Variants in HIVEP3 observed in about 807,000 individuals in gnomAD.
HIVEP3 encodes the protein transcription factor HIVEP3.
In HIVEP3, 49 loss-of-function variants were observed where a neutral mutation model predicts 152.8. That is an observed-to-expected ratio of 0.32 (90% CI 0.26 to 0.41). The LOEUF (loss-of-function observed/expected upper bound fraction) is 0.41. Ranked by LOEUF, HIVEP3 falls within the 10% of genes least tolerant of loss-of-function variation. HIVEP3 has a pLI of 1.00. For missense variants in HIVEP3, 2,790 were observed against 3,103.3 expected, an observed-to-expected ratio of 0.90 and a Z score of 2.40; for synonymous variants, 1,269 against 1,289.0, an observed-to-expected ratio of 0.98 and a Z score of 0.33.
intron 2 of HIVEP3, among the ~76,000 whole-genome samples, chr1:41,638,585 T>G (rs929940937): frequency 7.2e-5 from 11 of 152,216 alleles, no homozygotes; most frequent in Middle Eastern, 3.4e-3. Context: ...GAAACTGATA[T>G]AAAAGTGTCT....
intron 1 of HIVEP3, among the ~76,000 whole-genome samples, chr1:41,826,808 T>G (rs1642818573): frequency 6.6e-6 from 1 of 152,236 alleles, no homozygotes; most frequent in Non-Finnish European, 1.5e-5. Flanking sequence ...GAAATGTTAC[T>G]GACTTCAAAA....
At chr1:41,785,690 A>G (rs1649304215) in intron 1 of HIVEP3, among the ~76,000 whole-genome samples, 1 of 152,222 alleles carries the variant, frequency 6.6e-6, no homozygotes, top group Non-Finnish European at 1.5e-5. Flanking sequence ...CAATTTATAT[A>G]TGAACATAGA....
At chr1:41,828,334 C>T (rs1642862214) in intron 1 of HIVEP3, among the ~76,000 whole-genome samples, 2 of 152,256 alleles carry the variant, frequency 1.3e-5, no homozygotes. Context: ...CTGCCTTCCT[C>T]AGAGCCAAGT....
intron 2 of HIVEP3, among the ~76,000 whole-genome samples, chr1:41,651,495 A>C (rs965787944): frequency 6.6e-6 from 1 of 152,170 alleles, no homozygotes; most frequent in Non-Finnish European, 1.5e-5. Flanking sequence ...TGTGATCCAC[A>C]TAAATGAAGT....
intron 5 of HIVEP3, among the ~76,000 whole-genome samples, chr1:41,534,896 G>C (rs59330427): frequency 0.11 from 16,967 of 152,210 alleles, 1,669 homozygotes; most frequent in East Asian, 0.46. Flanking sequence ...AGGTGGGCAG[G>C]ACACTTGGGT....
chr1:41,713,387 C>T (rs762503792), intron 1 of HIVEP3, among the ~76,000 whole-genome samples: 4 of 152,164 alleles, frequency 2.6e-5, no homozygotes, highest in African/African-American at 7.2e-5. Flanking sequence ...CACATGCAGT[C>T]GCTGCTCAAT....
In HIVEP3 at chr1:42,013,635, T is replaced by C. The variant is rs181210002; in HGVS notation, n.119+22172A>G. Among the ~76,000 whole-genome samples the C allele has an allele frequency of 1.1e-3, 173 of 152,348 alleles. 1 individual carries two copies. The highest frequency in any genetic ancestry group is 4.1e-3 in the African/African-American group (169 of 41,584). ...TGGGGAAGGAAGACATCTCTATTAA[T>C]ATTTCAAAATTTTGTACAACTTCAT... On this transcript the variant is annotated intron_variant and non_coding_transcript_variant, in intron 1 of 3. Coordinates refer to the HIVEP3 transcript ENST00000489103.
chr1:41,634,889 C>A (rs766134377), intron 2 of HIVEP3, among the ~76,000 whole-genome samples: 1 of 152,048 alleles, frequency 6.6e-6, no homozygotes, highest in South Asian at 2.1e-4. Context: ...AAAGAAAGAA[C>A]AGGAAATGTC....
At chr1:42,014,331 G>A (rs1037899383) in intron 1 of HIVEP3, among the ~76,000 whole-genome samples, 4 of 152,084 alleles carry the variant, frequency 2.6e-5, no homozygotes, top group Admixed American at 1.3e-4. Context: ...CAGGGTGAGA[G>A]TTCGGGGAAA....
intron 1 of HIVEP3, among the ~76,000 whole-genome samples, chr1:41,959,317 G>C (rs1185452180): frequency 6.6e-6 from 1 of 152,158 alleles, no homozygotes; most frequent in East Asian, 1.9e-4. Flanking sequence ...AAATATTCCA[G>C]GTATAGATTT....
intron 1 of HIVEP3, among the ~76,000 whole-genome samples, chr1:41,774,679 A>T (rs962778622): frequency 3.3e-5 from 5 of 152,218 alleles, no homozygotes; most frequent in African/African-American, 1.2e-4. Flanking sequence ...ATGATTAAAT[A>T]ATACATTTTA....
At chr1:41,888,983 T>C (rs1210324568) in intron 1 of HIVEP3, among the ~76,000 whole-genome samples, 4 of 121,520 alleles carry the variant, frequency 3.3e-5, no homozygotes, top group Admixed American at 2.5e-4. Context: ...AGACCACACA[T>C]GCCACACACA....
chr1:41,666,402 C>G (rs1645797303), intron 2 of HIVEP3, among the ~76,000 whole-genome samples: 1 of 152,168 alleles, frequency 6.6e-6, no homozygotes. Flanking sequence ...CAGGCTCCAG[C>G]CCCACATTTA....
chr1:41,855,291 C>T (rs559282264), intron 1 of HIVEP3, among the ~76,000 whole-genome samples: 2 of 152,086 alleles, frequency 1.3e-5, no homozygotes, highest in East Asian at 1.9e-4. Flanking sequence ...ATGAGCATTT[C>T]TTCATGTGTT....
chr1:41,581,138 G>C lies in HIVEP3; in HGVS notation c.3660C>G (p.Pro1220=). ...PHPANIPFRQ[P]PSFLPMPYPT... ...GGTATGGCATGGGGAGGAAGGAAGG[G>C]GGCTGCCTGAAGGGGATGTTGGCTG... The change falls in exon 4 of 9, where the codon CCC becomes CCG. Residue 1220 remains proline (P), a synonymous_variant. Coordinates refer to ENST00000372583, the MANE Select transcript of HIVEP3 (RefSeq NM_024503.5). This position sits in a 1 kb window ranked among gnomAD's most constrained non-coding sequence, Gnocchi z 4.5. 6.4e-7 allele frequency: 1 copy of C among 1,552,308 alleles called. No individual in the cohort carries two copies. Among genetic ancestry groups the C allele is most frequent in the Non-Finnish European group, 8.7e-7 (1 of 1,149,116 alleles).
Position 41,511,327 on chromosome 1 carries a change from G to C in HIVEP3, c.6406-61C>G. On this transcript the variant is annotated intron_variant, in intron 8 of 8. Transcript: ENST00000372583. The surrounding 1 kb of genome is among the most constrained non-coding windows in gnomAD (Gnocchi z 4.9). ...TTACATGCTGGGCACATGGGGAGCC[G>C]AGGCCTGGAAGTGGGAGGGGGACTC... 1 of 1,411,360 alleles carries C rather than the reference G, an allele frequency of 7.1e-7. No homozygotes were observed. The highest frequency in any genetic ancestry group is 9.5e-7 in the Non-Finnish European group (1 of 1,052,138). The allele number at this position is 1,411,360 out of a possible 1,614,324, so 87.4% of individuals were successfully genotyped here. A position where few individuals can be genotyped will look rare whatever the true frequency, so the allele number is the denominator to read the frequency against.
intron 1 of HIVEP3, among the ~76,000 whole-genome samples, chr1:42,015,775 T>G (rs1347752468): frequency 6.6e-6 from 1 of 152,246 alleles, no homozygotes; most frequent in African/African-American, 2.4e-5. Flanking sequence ...CCTAGCTGCC[T>G]AGGCAGGGGA....
intron 3 of HIVEP3, among the ~76,000 whole-genome samples, chr1:41,601,459 T>C (rs1644747125): frequency 6.6e-6 from 1 of 152,160 alleles, no homozygotes; most frequent in Admixed American, 6.5e-5. Flanking sequence ...AGTACACAAG[T>C]CTTTCATTTC....
At chr1:42,001,385 A>G (rs1390806236) in intron 1 of HIVEP3, among the ~76,000 whole-genome samples, 1 of 152,186 alleles carries the variant, frequency 6.6e-6, no homozygotes, top group African/African-American at 2.4e-5. Context: ...GCATGAAAAT[A>G]TCCTCTCCTT....
Sources: allele counts gnomAD v4.1 joint callset (sites outside exome capture counted in the v4.1 genomes callset), GRCh38; gene constraint gnomAD v4.1.1; non-coding constraint Gnocchi (gnomAD v3.1); transcripts MANE v1.5; gene names NCBI Gene and HGNC (gene_info 2026-07-23, HGNC 2026-07-21).